Variants in PPP2R5A observed in about 807,000 individuals in gnomAD.
PPP2R5A encodes the protein protein phosphatase 2 regulatory subunit B'alpha.
Under a neutral mutation model 64.2 loss-of-function variants are expected in PPP2R5A, and 25 were observed. The observed-to-expected ratio is 0.39, with a 90% CI of 0.28 to 0.54. PPP2R5A has a LOEUF of 0.54. Among genes scored for constraint, PPP2R5A ranks in the 20% least tolerant of loss-of-function variants. The pLI is 0.67. For synonymous variants in PPP2R5A, 198 were observed against 201.2 expected, an observed-to-expected ratio of 0.98 and a Z score of 0.13; for missense variants, 425 against 576.3, an observed-to-expected ratio of 0.74 and a Z score of 2.69.
rs186852292 is a variant in PPP2R5A, at chr1:212,360,936, A to G, written c.*166A>G. The G allele has an allele frequency of 2.7e-5, 13 of 478,070 alleles. No homozygotes were observed. The Admixed American group carries it at 4.4e-4, about 16-fold the overall frequency. The allele number at this position is 478,070 out of a possible 1,614,324, so 29.6% of individuals were successfully genotyped here. On this transcript the variant is annotated 3_prime_UTR_variant, in exon 13 of 13. Coordinates refer to ENST00000261461, the MANE Select transcript of PPP2R5A (RefSeq NM_006243.4). ...TGGACTAAACGTAGCCCTGTGCTGT[A>G]TCATGGCCATAGTATATTGTAACCT... is the stretch of plus-strand genomic sequence containing the variant.
intron 3 of PPP2R5A, among the ~76,000 whole-genome samples, chr1:212,340,924 TTCTAACTTCTACA>T (rs1433391836): frequency 2.5e-4 from 38 of 152,224 alleles, no homozygotes; most frequent in Admixed American, 2.5e-3. Context: ...CCTTTTTCTT[TTCTAACTTCTACA>T]TCAACCTAAC....
chr1:212,323,660 T>C (rs1163499955), intron 1 of PPP2R5A, among the ~76,000 whole-genome samples: 2 of 152,142 alleles, frequency 1.3e-5, no homozygotes, highest in African/African-American at 2.4e-5. Flanking sequence ...CAAAAACAAA[T>C]TTAAATGCAT....
At chr1:212,286,554 C>G (rs550531221) in intron 1 of PPP2R5A, among the ~76,000 whole-genome samples, 5 of 152,184 alleles carry the variant, frequency 3.3e-5, no homozygotes, top group Non-Finnish European at 5.9e-5. Context: ...TCCCCACCTG[C>G]GCGCTTGCTT....
At chr1:212,356,170 T>G (rs1659974264) in intron 8 of PPP2R5A, among the ~76,000 whole-genome samples, 1 of 152,214 alleles carries the variant, frequency 6.6e-6, no homozygotes, top group Non-Finnish European at 1.5e-5. Flanking sequence ...GGTTTTTTTT[T>G]GTGTTTCATA....
intron 1 of PPP2R5A, chr1:212,299,600 A>G (rs1163468659): frequency 6.6e-6 from 1 of 152,204 alleles, no homozygotes; most frequent in Non-Finnish European, 1.5e-5. Context: ...GGGCTAATCT[A>G]CCACTTGACT....
rs2102435758 is a variant in PPP2R5A, at chr1:212,333,803, C to T, written c.480+205C>T. ...CTTAACATATATTTACCATTTAAAC[C>T]ATTTTGAAGTGTACAATTCAGTGGC... is the stretch of plus-strand genomic sequence containing the variant. On this transcript the variant is annotated intron_variant, in intron 3 of 12. Transcript: ENST00000261461. The T allele has an allele frequency of 7.4e-6, 3 of 404,874 alleles. No homozygotes were observed. In the East Asian group the frequency reaches 1.1e-4, roughly 15 times the overall value. The allele number at this position is 404,874 out of a possible 1,614,324, so 25.1% of individuals were successfully genotyped here.
Position 212,329,340 on chromosome 1 carries a change from C to T in PPP2R5A, c.378+9C>T. 1 of 1,528,256 alleles carries T rather than the reference C, an allele frequency of 6.5e-7. No individual in the cohort carries two copies. The highest frequency in any genetic ancestry group is 2.1e-5 in the Admixed American group (1 of 48,328). The allele number at this position is 1,528,256 out of a possible 1,614,324, so 94.7% of individuals were successfully genotyped here. ...CTGATATAGTAAAAATGGTAAGCCT[C>T]TAGAATTATGTTCCTCAGATTTATG... is the stretch of plus-strand genomic sequence containing the variant. On this transcript the variant is annotated intron_variant, in intron 2 of 12. Transcript: ENST00000261461.
intron 1 of PPP2R5A, among the ~76,000 whole-genome samples, chr1:212,317,783 C>G (rs1303567069): frequency 6.6e-6 from 1 of 151,834 alleles, no homozygotes; most frequent in Non-Finnish European, 1.5e-5. Flanking sequence ...GTCAGGAGTT[C>G]GAGACCAGTC....
At chr1:212,306,793 G>A (rs912802040) in intron 1 of PPP2R5A, 2 of 149,864 alleles carry the variant, frequency 1.3e-5, no homozygotes, top group African/African-American at 2.5e-5. Context: ...AATCTTCCTC[G>A]GTCACCCAGG....
intron 1 of PPP2R5A, among the ~76,000 whole-genome samples, chr1:212,297,093 C>CCTCTTTTTTTTT (rs1558138694): frequency 1.2e-5 from 1 of 81,916 alleles, no homozygotes; most frequent in African/African-American, 5.0e-5. Flanking sequence ...TTCTTTGCTT[C>CCTCTTTTTTTTT]TTCTTTTTTT....
chr1:212,290,065 T>A (rs1348558658), intron 1 of PPP2R5A, among the ~76,000 whole-genome samples: 1 of 152,212 alleles, frequency 6.6e-6, no homozygotes, highest in African/African-American at 2.4e-5. Flanking sequence ...TGAAACTGGC[T>A]TTGAGATTGA....
At chr1:212,314,151 C>T (rs763285549) in intron 1 of PPP2R5A, among the ~76,000 whole-genome samples, 45 of 152,122 alleles carry the variant, frequency 3.0e-4, no homozygotes, top group African/African-American at 4.6e-4. Flanking sequence ...GAGCTCAGAC[C>T]GCATGGAGAG....
chr1:212,319,374 C>G (rs1050331801), intron 1 of PPP2R5A: 1 of 152,144 alleles, frequency 6.6e-6, no homozygotes, highest in Non-Finnish European at 1.5e-5. Context: ...GCATCTCTTG[C>G]AGGGAGAATG....
At chr1:212,349,047 C>A in intron 7 of PPP2R5A, 142 bp from the exon 8 acceptor site, 1 of 458,576 alleles carries the variant, frequency 2.2e-6, no homozygotes, top group Non-Finnish European at 3.6e-6. Context: ...TTCACAATTT[C>A]ATTCACAGTT....
chr1:212,307,111 G>A (rs1388399538), intron 1 of PPP2R5A, among the ~76,000 whole-genome samples: 1 of 152,040 alleles, frequency 6.6e-6, no homozygotes, highest in African/African-American at 2.4e-5. Flanking sequence ...ATTTATGCCT[G>A]CCATTTTACT....
intron 1 of PPP2R5A, among the ~76,000 whole-genome samples, chr1:212,310,073 A>T (rs576655004): frequency 6.6e-6 from 1 of 152,296 alleles, no homozygotes; most frequent in East Asian, 1.9e-4. Flanking sequence ...TTGGGATGAC[A>T]GTGGTTTTGG....
At chr1:212,293,877 C>T (rs1444823562) in intron 1 of PPP2R5A, among the ~76,000 whole-genome samples, 2 of 152,004 alleles carry the variant, frequency 1.3e-5, no homozygotes, top group Non-Finnish European at 2.9e-5. Flanking sequence ...CTGGTTTAGC[C>T]TCTGTTGGGA....
At chr1:212,286,318 A>C (rs374006022) in intron 1 of PPP2R5A, 27 bp downstream of exon 1, 1 of 1,463,810 alleles carries the variant, frequency 6.8e-7, no homozygotes, top group Non-Finnish European at 9.0e-7. Context: ...CAGCCCCAGC[A>C]GCGAGCGCAG....
intron 1 of PPP2R5A, among the ~76,000 whole-genome samples, chr1:212,320,614 G>A (rs192851651): frequency 0.031 from 4,520 of 147,388 alleles, 241 homozygotes; most frequent in African/African-American, 0.1. Context: ...GCAGCTGGCC[G>A]GGCGGGGGGC....
Sources: allele counts gnomAD v4.1 joint callset (sites outside exome capture counted in the v4.1 genomes callset), GRCh38; gene constraint gnomAD v4.1.1; transcripts MANE v1.5; gene names NCBI Gene and HGNC (gene_info 2026-07-23, HGNC 2026-07-21).